Variants in MAJIN observed in about 807,000 individuals in gnomAD.
MAJIN encodes the protein membrane-anchored junction protein.
Under a neutral mutation model 30.2 loss-of-function variants are expected in MAJIN, and 27 were observed. That is an observed-to-expected ratio of 0.89 (90% CI 0.66 to 1.23). The LOEUF is 1.23. Ranked by LOEUF, MAJIN falls within the 50% of genes most tolerant of loss-of-function variation. The probability of loss-of-function intolerance (pLI) is 0.00; values close to 1 mark genes in which losing one functional copy is unlikely to be tolerated. For missense variants in MAJIN, 253 were observed against 260.3 expected (o/e 0.97, Z 0.19); for synonymous variants, 78 against 91.6 (o/e 0.85, Z 0.85).
intron 6 of MAJIN, among the ~76,000 whole-genome samples, chr11:64,949,248 T>C (rs1262561319): frequency 6.6e-6 from 1 of 151,794 alleles, no homozygotes; most frequent in South Asian, 2.1e-4. Flanking sequence ...GAGGATCACT[T>C]GAGCCCAGGA....
chr11:64,948,639 A>ATTTTT (rs71049670), intron 6 of MAJIN, among the ~76,000 whole-genome samples: 1 of 18,478 alleles, frequency 5.4e-5, no homozygotes, highest in African/African-American at 2.9e-4. Flanking sequence ...ATATATATAT[A>ATTTTT]TTTTTTTTTT....
chr11:64,949,636 T>C lies in MAJIN; in HGVS notation c.349+107A>G, dbSNP rs1048087929. ...GCCTGGAGCACATGATCCTGACCTGTGCACTGTATGGCTGGAGCCTAATCT... is the reference window on the plus strand; with the variant it reads ...GCCTGGAGCACATGATCCTGACCTGCGCACTGTATGGCTGGAGCCTAATCT... On this transcript the variant is annotated intron_variant, in intron 6 of 10. Coordinates refer to ENST00000301896, the MANE Select transcript of MAJIN (RefSeq NM_001037225.3). 13 of 1,423,572 alleles carry C rather than the reference T, an allele frequency of 9.1e-6. No homozygotes were observed. In the Admixed American group the frequency reaches 1.1e-4, roughly 12 times the overall value. The allele number at this position is 1,423,572 out of a possible 1,614,324, so 88.2% of individuals were successfully genotyped here. A position where few individuals can be genotyped will look rare whatever the true frequency, so the allele number is the denominator to read the frequency against.
chr11:64,959,893 T>C (rs1470790213), intron 2 of MAJIN, among the ~76,000 whole-genome samples, 196 bp downstream of exon 2: 1 of 152,184 alleles, frequency 6.6e-6, no homozygotes, highest in African/African-American at 2.4e-5. Flanking sequence ...GGACGTTTGC[T>C]ATCAATTTTA....
At chr11:64,963,349 T>C (rs1371931579) in intron 1 of MAJIN, among the ~76,000 whole-genome samples, 1 of 152,244 alleles carries the variant, frequency 6.6e-6, no homozygotes, top group Non-Finnish European at 1.5e-5. Flanking sequence ...TTTGGTAATT[T>C]GCTTCACATA....
rs748468521 is a variant in MAJIN at position 64,939,648 on chromosome 11, A to G, written c.*1+14T>C. On this transcript the variant is annotated intron_variant, in intron 10 of 10. Transcript: ENST00000301896. ...CTGGATCTCGAGTCTGATGCCGGAC[A>G]GAAGCTGTCTTACCTTAGAAACCCA... 1.2e-6 allele frequency: 2 copies of G among 1,608,858 alleles called. No individual in the cohort carries two copies. The highest frequency in any genetic ancestry group is 8.5e-7 in the Non-Finnish European group (1 of 1,175,620).
At chr11:64,969,277 C>A (rs1192423131) in intron 1 of MAJIN, among the ~76,000 whole-genome samples, 1 of 152,070 alleles carries the variant, frequency 6.6e-6, no homozygotes, top group African/African-American at 2.4e-5. Context: ...GGACAGAAAT[C>A]AGAACGGAAA....
At chr11:64,953,777 G>A (rs535654020) in intron 4 of MAJIN, among the ~76,000 whole-genome samples, 292 of 152,184 alleles carry the variant, frequency 1.9e-3, no homozygotes, top group Non-Finnish European at 3.5e-3. Flanking sequence ...GTGACAGAGC[G>A]AAACTCCATC....
rs368912940 is a variant in MAJIN, at chr11:64,965,007, GGAT to G, written c.-64-4875_-64-4873del. On this transcript the variant is annotated intron_variant, in intron 1 of 10. Coordinates refer to ENST00000301896, the MANE Select transcript of MAJIN (RefSeq NM_001037225.3). ...GTTTTCTCACCTTGCATGGTGATTAGGATGATTAGTGAAATAATGCATGTATAA... is the reference window on the plus strand; with the variant it reads ...GTTTTCTCACCTTGCATGGTGATTAGGATTAGTGAAATAATGCATGTATAA... Among the ~76,000 whole-genome samples the G allele has an allele frequency of 3.7e-3, 558 of 152,232 alleles. 6 individuals carry two copies. The highest frequency in any genetic ancestry group is 0.012 in the African/African-American group (495 of 41,538).
At chr11:64,970,969 C>A (rs1945891546) in intron 1 of MAJIN, among the ~76,000 whole-genome samples, 2 of 152,142 alleles carry the variant, frequency 1.3e-5, no homozygotes, top group African/African-American at 4.8e-5. Context: ...ACCAGAGGAG[C>A]ACTTTAGTTC....
At chr11:64,947,964 A>G in intron 6 of MAJIN, 145 bp from the exon 7 acceptor site, 1 of 703,698 alleles carries the variant, frequency 1.4e-6, no homozygotes, top group Non-Finnish European at 2.4e-6. Flanking sequence ...AGTTCAAGCG[A>G]TTCTCCTCCC....
intron 1 of MAJIN, among the ~76,000 whole-genome samples, chr11:64,966,096 T>C (rs1023188916): frequency 2.2e-5 from 3 of 136,654 alleles, no homozygotes; most frequent in East Asian, 2.0e-4. Flanking sequence ...GATTACACCA[T>C]TGGGTGAGCT....
intron 1 of MAJIN, among the ~76,000 whole-genome samples, chr11:64,966,926 T>C (rs1199562493): frequency 5.3e-5 from 7 of 131,098 alleles, no homozygotes; most frequent in Non-Finnish European, 8.1e-5. Context: ...AGAATGACTG[T>C]CTCAAAAAAA....
At chr11:64,967,695 G>A (rs575664914) in intron 1 of MAJIN, among the ~76,000 whole-genome samples, 1 of 152,250 alleles carries the variant, frequency 6.6e-6, no homozygotes, top group African/African-American at 2.4e-5. Context: ...TACAAGGTGA[G>A]ACTATACAGA....
intron 8 of MAJIN, among the ~76,000 whole-genome samples, chr11:64,946,826 G>T (rs1421403992): frequency 6.6e-6 from 1 of 152,062 alleles, no homozygotes; most frequent in Non-Finnish European, 1.5e-5. Flanking sequence ...AACATAAGTA[G>T]CCTCCACAAT....
intron 3 of MAJIN, among the ~76,000 whole-genome samples, chr11:64,958,166 C>A (rs1211434207): frequency 7.2e-6 from 1 of 139,556 alleles, no homozygotes; most frequent in African/African-American, 2.5e-5. Context: ...TGGTCTCGAA[C>A]TCCTGACCTC....
At position 64,939,703 on chromosome 11, in the gene MAJIN, T is replaced by C. The variant is rs773874829; in HGVS notation, c.611A>G (p.His204Arg). ...LSHPCSTTHL[H>R]LRSEQPPASL... is the part of the protein sequence containing the mutation. ...AGCCGGTGGCTGCTCGCTCCTTAGG[T>C]GGAGGTGAGTTGTGCTGCAGGGGTG... Residue 204 changes from histidine to arginine, a missense_variant, in exon 10 of 11, where the codon CAC (histidine) becomes CGC (arginine). Transcript: ENST00000301896. The C allele has an allele frequency of 3.8e-5, 62 of 1,613,860 alleles. No individual in the cohort carries two copies. Among genetic ancestry groups the C allele is most frequent in the Non-Finnish European group, 5.0e-5 (59 of 1,179,956 alleles).
Position 64,949,742 on chromosome 11 carries a change from C to A in MAJIN, c.349+1G>T, listed in dbSNP as rs150526932. 2.1e-4 allele frequency: 346 copies of A among 1,612,570 alleles called. No individual in the cohort carries two copies. The highest frequency in any genetic ancestry group is 2.8e-4 in the Non-Finnish European group (332 of 1,179,938). ...ATCCACATTCACATCATTCCACTTA[C>A]CAGGTGACAGGTTTTCATGGAACCA... On this transcript the variant is annotated splice_donor_variant, in intron 6 of 10. Transcript: ENST00000301896. LOFTEE classifies it high-confidence loss of function.
intron 1 of MAJIN, among the ~76,000 whole-genome samples, chr11:64,965,166 G>C (rs192715465): frequency 6.6e-6 from 1 of 152,256 alleles, no homozygotes; most frequent in East Asian, 1.9e-4. Context: ...ACATCATTCT[G>C]TTTTCTCATA....
intron 4 of MAJIN, among the ~76,000 whole-genome samples, chr11:64,951,414 A>G (rs1945549081): frequency 6.6e-6 from 1 of 152,136 alleles, no homozygotes; most frequent in South Asian, 2.1e-4. Flanking sequence ...CTCAATTTCA[A>G]TCCCAGCCTT....
Sources: allele counts gnomAD v4.1 joint callset (sites outside exome capture counted in the v4.1 genomes callset), GRCh38; gene constraint gnomAD v4.1.1; transcripts MANE v1.5; gene names NCBI Gene and HGNC (gene_info 2026-07-23, HGNC 2026-07-21).